The following PHF20 variants were observed in gnomAD, a reference collection of about 807,000 sequenced individuals.
The protein encoded by PHF20 is glioma-expressed antigen 2.
PHF20 carries 23 observed loss-of-function variants against 113.5 expected under a neutral mutation model. That is an observed-to-expected ratio of 0.20 (90% CI 0.15 to 0.29). The LOEUF (loss-of-function observed/expected upper bound fraction) is 0.29, where lower values mean the gene tolerates loss of function less well. Ranked by LOEUF, PHF20 falls within the 10% of genes least tolerant of loss-of-function variation. The pLI is 1.00. For missense variants in PHF20, 943 were observed against 1,219.6 expected (o/e 0.77, Z 3.38); for synonymous variants, 434 against 457.3 (o/e 0.95, Z 0.65).
At chr20:35,834,474 C>G (rs2042406849) in intron 2 of PHF20, among the ~76,000 whole-genome samples, 1 of 152,050 alleles carries the variant, frequency 6.6e-6, no homozygotes, top group Admixed American at 6.6e-5. Context: ...TGGTCTCGAA[C>G]TCCCAACCGT....
At chr20:35,862,200 C>A (rs534881237) in intron 5 of PHF20, among the ~76,000 whole-genome samples, 5 of 152,294 alleles carry the variant, frequency 3.3e-5, no homozygotes, top group Admixed American at 1.3e-4. Flanking sequence ...GAACTGAGCA[C>A]AGCCTTTACC....
chr20:35,774,888 C>T (rs1258513481), intron 1 of PHF20: 2 of 152,160 alleles, frequency 1.3e-5, no homozygotes, highest in African/African-American at 4.8e-5. Flanking sequence ...AACAACTAAG[C>T]TGTTTTATAT....
At chr20:35,932,578 A>C (rs1300604255) in intron 15 of PHF20, among the ~76,000 whole-genome samples, 2 of 149,716 alleles carry the variant, frequency 1.3e-5, no homozygotes, top group Non-Finnish European at 3.0e-5. Flanking sequence ...ATACAGGCGC[A>C]CGCCACCACA....
intron 1 of PHF20, among the ~76,000 whole-genome samples, chr20:35,789,121 AAGC>A (rs1194462264): frequency 6.6e-6 from 1 of 152,076 alleles, no homozygotes; most frequent in Non-Finnish European, 1.5e-5. Context: ...CAGGAAGAGA[AAGC>A]AGCTTGTTTG....
At chr20:35,790,347 C>A (rs960687944) in intron 1 of PHF20, among the ~76,000 whole-genome samples, 4 of 151,750 alleles carry the variant, frequency 2.6e-5, no homozygotes, top group African/African-American at 9.7e-5. Context: ...ATTACAGGCG[C>A]ATGCCACCAC....
At chr20:35,787,867 G>A (rs955035770) in intron 1 of PHF20, among the ~76,000 whole-genome samples, 7 of 60,766 alleles carry the variant, frequency 1.2e-4, no homozygotes, top group East Asian at 1.2e-3. Context: ...TGCAACCTCC[G>A]CCTGGGTTCA....
chr20:35,930,665 C>A (rs2055735962), intron 14 of PHF20, among the ~76,000 whole-genome samples: 1 of 151,992 alleles, frequency 6.6e-6, no homozygotes, highest in South Asian at 2.1e-4. Context: ...CAGAGTGAGA[C>A]CCTGCCAACA....
chr20:35,777,605 C>G (rs1455693999), intron 1 of PHF20, among the ~76,000 whole-genome samples: 1 of 152,156 alleles, frequency 6.6e-6, no homozygotes, highest in Non-Finnish European at 1.5e-5. Flanking sequence ...TGCTTGAAGC[C>G]AGGAGTTCAA....
At chr20:35,945,044 T>G (rs1488705229) in intron 17 of PHF20, among the ~76,000 whole-genome samples, 1 of 152,216 alleles carries the variant, frequency 6.6e-6, no homozygotes, top group Non-Finnish European at 1.5e-5. Context: ...GGAGGTGGTC[T>G]TATTTTTCTT....
chr20:35,887,851 C>T (rs1169466186), intron 9 of PHF20: 1 of 149,854 alleles, frequency 6.7e-6, no homozygotes, highest in Admixed American at 6.6e-5. Flanking sequence ...GTTCTGCCCA[C>T]ACTCAAGAGG....
intron 10 of PHF20, among the ~76,000 whole-genome samples, chr20:35,901,479 T>G (rs529726227): frequency 9.0e-4 from 136 of 150,954 alleles, no homozygotes; most frequent in African/African-American, 3.3e-3. Context: ...GCAGTAAGAA[T>G]GTAAGAAACT....
At chr20:35,889,230 A>G (rs545121849) in intron 9 of PHF20, among the ~76,000 whole-genome samples, 127 of 151,926 alleles carry the variant, frequency 8.4e-4, no homozygotes, top group Non-Finnish European at 1.5e-3. Flanking sequence ...TAGCCAGGCT[A>G]GTCTCGAACT....
chr20:35,927,049 G>A (rs1465026358), intron 13 of PHF20, among the ~76,000 whole-genome samples: 1 of 152,000 alleles, frequency 6.6e-6, no homozygotes, highest in Admixed American at 6.6e-5. Flanking sequence ...AACCCTCATT[G>A]TCAACTCCCT....
chr20:35,855,343 CTCTTATCCTTTTATGT>C (rs2042807152), intron 4 of PHF20: 1 of 836,334 alleles, frequency 1.2e-6, no homozygotes, highest in Non-Finnish European at 1.7e-6. Flanking sequence ...ATTGTTTATG[CTCTTATCCTTTTATGT>C]TCTTATCCTT....
At chr20:35,846,958 G>A (rs985787398) in intron 3 of PHF20, among the ~76,000 whole-genome samples, 1 of 152,160 alleles carries the variant, frequency 6.6e-6, no homozygotes, top group African/African-American at 2.4e-5. Context: ...GGAGACAAGT[G>A]TGAAGAGAGG....
At chr20:35,850,481 A>T (rs567840792) in intron 4 of PHF20, among the ~76,000 whole-genome samples, 10 of 142,756 alleles carry the variant, frequency 7.0e-5, no homozygotes, top group South Asian at 2.2e-4. Context: ...TGGCTAATTT[A>T]TATATATATA....
chr20:35,830,302 A>G (rs748309943), intron 2 of PHF20, among the ~76,000 whole-genome samples: 1 of 152,142 alleles, frequency 6.6e-6, no homozygotes, highest in Non-Finnish European at 1.5e-5. Flanking sequence ...GGTAACCTCT[A>G]TTCTGCTTTC....
chr20:35,908,089 ATCTG>A (rs2147073737), intron 10 of PHF20, among the ~76,000 whole-genome samples: 1 of 152,316 alleles, frequency 6.6e-6, no homozygotes, highest in South Asian at 2.1e-4. Context: ...CATGATTTGA[ATCTG>A]TTGTGAAGCC....
intron 17 of PHF20, among the ~76,000 whole-genome samples, chr20:35,945,041 G>A (rs2056061250): frequency 6.6e-6 from 1 of 152,170 alleles, no homozygotes; most frequent in Non-Finnish European, 1.5e-5. Flanking sequence ...TGAGGAGGTG[G>A]TCTTATTTTT....
Sources: allele counts gnomAD v4.1 joint callset (sites outside exome capture counted in the v4.1 genomes callset), GRCh38; gene constraint gnomAD v4.1.1; transcripts MANE v1.5; gene names NCBI Gene and HGNC (gene_info 2026-07-23, HGNC 2026-07-21).